Variants in CADPS observed in about 807,000 individuals in gnomAD.
CADPS encodes calcium-dependent secretion activator 1.
A neutral mutation model predicts 167.3 loss-of-function variants in CADPS; 57 were observed. That is an observed-to-expected ratio of 0.34 (90% confidence interval 0.28 to 0.42). The LOEUF (loss-of-function observed/expected upper bound fraction) is 0.42, where lower values mean the gene tolerates loss of function less well. CADPS is among the 20% of genes least tolerant of loss of function. The pLI is 1.00. For synonymous variants in CADPS, 676 were observed against 635.3 expected, an observed-to-expected ratio of 1.06 and a Z score of -0.96; for missense variants, 1,414 against 1,738.1, an observed-to-expected ratio of 0.81 and a Z score of 3.32.
intron 3 of CADPS, among the ~76,000 whole-genome samples, chr3:62,726,957 G>A (rs765012108): frequency 1.3e-5 from 2 of 151,830 alleles, no homozygotes; most frequent in Non-Finnish European, 2.9e-5. Context: ...AAGATCACAC[G>A]GGTAAGGTGT....
rs559007080 is a variant in CADPS at position 62,622,520 on chromosome 3, C to T, written c.1325+23202G>A. ...TAGCTATGATTTTAAAGGTAGGGAG[C>T]TAACCTTGATGAAATAAGAAATATT... On this transcript the variant is annotated intron_variant, in intron 6 of 29. Transcript: ENST00000383710. Among the ~76,000 whole-genome samples the T allele has an allele frequency of 3.3e-5, 5 of 152,212 alleles. No individual in the cohort carries two copies. In the East Asian group the frequency reaches 9.7e-4, roughly 29 times the overall value.
chr3:62,640,853 G>A (rs1579404493), intron 6 of CADPS, among the ~76,000 whole-genome samples: 1 of 152,040 alleles, frequency 6.6e-6, no homozygotes, highest in East Asian at 1.9e-4. Context: ...TATTACAGAG[G>A]ACAACTTACA....
At chr3:62,642,677 C>G (rs768498875) in intron 6 of CADPS, among the ~76,000 whole-genome samples, 44 of 152,034 alleles carry the variant, frequency 2.9e-4, no homozygotes, top group East Asian at 7.7e-4. Context: ...GAGGATGAGG[C>G]GGGGGCAGGT....
chr3:62,793,018 A>G (rs2093082603), intron 1 of CADPS, among the ~76,000 whole-genome samples: 1 of 152,316 alleles, frequency 6.6e-6, no homozygotes, highest in Non-Finnish European at 1.5e-5. Context: ...TCTTTTCTGT[A>G]CCTTAATATC....
intron 10 of CADPS, among the ~76,000 whole-genome samples, chr3:62,553,396 GA>G (rs1262984323): frequency 3.3e-5 from 5 of 152,158 alleles, no homozygotes; most frequent in Non-Finnish European, 7.3e-5. Flanking sequence ...TACAGATGAG[GA>G]AACTAAGTCA....
Position 62,514,308 on chromosome 3 carries a change from G to C in CADPS, c.2582-1540C>G, listed in dbSNP as rs1371374460. ...TGATACATGCAGCCAGAGGATGTTG[G>C]GTTGTCTGAATTAACAATCCCAGCA... is the stretch of plus-strand genomic sequence containing the variant. On this transcript the variant is annotated intron_variant, in intron 16 of 29. Coordinates refer to ENST00000383710, the MANE Select transcript of CADPS (RefSeq NM_003716.4). This position sits in a 1 kb window ranked among gnomAD's most constrained non-coding sequence, Gnocchi z 4.2. Among the ~76,000 whole-genome samples, 1 of 151,944 alleles carries C rather than the reference G, an allele frequency of 6.6e-6. No homozygotes were observed. Among genetic ancestry groups the C allele is most frequent in the Non-Finnish European group, 1.5e-5 (1 of 67,946 alleles).
At chr3:62,736,019 C>T (rs779198829) in intron 3 of CADPS, among the ~76,000 whole-genome samples, 6 of 152,106 alleles carry the variant, frequency 3.9e-5, no homozygotes. Context: ...CCCTGATTAC[C>T]ATAAGGGGGA....
chr3:62,849,603 A>G (rs890172198), intron 1 of CADPS, among the ~76,000 whole-genome samples: 1 of 129,838 alleles, frequency 7.7e-6, no homozygotes, highest in African/African-American at 2.9e-5. Context: ...ATATTGAACC[A>G]GCCTTGCATC....
At chr3:62,430,546 C>T (rs903873589) in intron 28 of CADPS, among the ~76,000 whole-genome samples, 1 of 152,064 alleles carries the variant, frequency 6.6e-6, no homozygotes, top group African/African-American at 2.4e-5. Context: ...TTAATTTTAG[C>T]TTGGAAGTAT....
chr3:62,626,107 C>A (rs2600852), intron 6 of CADPS: 17,791 of 154,826 alleles, frequency 0.11, 1,357 homozygotes, highest in Middle Eastern at 0.17. Context: ...AATGTCTATC[C>A]AAATAAAATT....
At chr3:62,506,867 G>A (rs905173708) in intron 17 of CADPS, among the ~76,000 whole-genome samples, 6 of 152,168 alleles carry the variant, frequency 3.9e-5, no homozygotes, top group Non-Finnish European at 8.8e-5. Context: ...TCATTAGCTA[G>A]GATAAAAGGC....
chr3:62,740,940 AAC>A (rs2080094724), intron 3 of CADPS, among the ~76,000 whole-genome samples: 1 of 152,210 alleles, frequency 6.6e-6, no homozygotes, highest in Non-Finnish European at 1.5e-5. Context: ...TTGACTTTTT[AAC>A]AGTTAGAATT....
At chr3:62,429,119 T>C (rs893600018) in intron 28 of CADPS, among the ~76,000 whole-genome samples, 1 of 152,236 alleles carries the variant, frequency 6.6e-6, no homozygotes, top group Non-Finnish European at 1.5e-5. Flanking sequence ...TATTGTTTTA[T>C]AAACTTTTGT....
intron 17 of CADPS, among the ~76,000 whole-genome samples, chr3:62,509,068 C>T (rs1054911922): frequency 4.6e-5 from 7 of 151,438 alleles, no homozygotes; most frequent in Non-Finnish European, 7.4e-5. Flanking sequence ...TTTAGGAGGC[C>T]GAGGTGGGTG....
intron 1 of CADPS, among the ~76,000 whole-genome samples, chr3:62,809,847 TGTAG>T (rs1224002497): frequency 1.3e-5 from 2 of 152,130 alleles, no homozygotes; most frequent in East Asian, 3.9e-4. Flanking sequence ...ATAAAGACAC[TGTAG>T]GTGTTTATTT....
At chr3:62,813,410 A>G (rs1375414089) in intron 1 of CADPS, among the ~76,000 whole-genome samples, 1 of 152,030 alleles carries the variant, frequency 6.6e-6, no homozygotes, top group African/African-American at 2.4e-5. Context: ...CTGGCTAACC[A>G]TATGCAGAAG....
At chr3:62,408,626 A>G (rs1163027923) in intron 28 of CADPS, among the ~76,000 whole-genome samples, 1 of 152,204 alleles carries the variant, frequency 6.6e-6, no homozygotes, top group Non-Finnish European at 1.5e-5. Flanking sequence ...TACTGCGGTT[A>G]TGTCTTCTGT....
chr3:62,604,111 TG>T (rs2060360813), intron 6 of CADPS, among the ~76,000 whole-genome samples: 1 of 152,140 alleles, frequency 6.6e-6, no homozygotes, highest in African/African-American at 2.4e-5. Flanking sequence ...ATTACAGGTG[TG>T]AGCCACCTCA....
chr3:62,548,728 T>C (rs149172883), intron 11 of CADPS, among the ~76,000 whole-genome samples: 17 of 152,246 alleles, frequency 1.1e-4, no homozygotes, highest in Non-Finnish European at 2.5e-4. Context: ...GTTAAGTCTC[T>C]GCATTTGCAT....
Sources: gnomAD v4.1 joint callset for allele counts (sites outside exome capture counted in the v4.1 genomes callset) on GRCh38, gnomAD v4.1.1 for gene constraint, Gnocchi (gnomAD v3.1) non-coding constraint, MANE v1.5 for transcripts, NCBI Gene and HGNC (gene_info 2026-07-23, HGNC 2026-07-21) for gene names.